Variants in SLC26A5 observed in about 807,000 individuals in gnomAD.
SLC26A5 encodes prestin.
A neutral mutation model predicts 81.0 loss-of-function variants in SLC26A5; 51 were observed. That is an observed-to-expected ratio of 0.63 (90% CI 0.50 to 0.80). The LOEUF is 0.80. Among genes scored for constraint, SLC26A5 ranks in the 30% least tolerant of loss-of-function variants. The pLI is 0.00. For missense variants in SLC26A5, 771 were observed against 905.8 expected, an observed-to-expected ratio of 0.85 and a Z score of 1.91; for synonymous variants, 325 against 332.8, an observed-to-expected ratio of 0.98 and a Z score of 0.25.
Position 103,377,607 on chromosome 7 carries a change from G to C in SLC26A5, c.1978C>G (p.Leu660Val). The C allele has an allele frequency of 6.2e-7, 1 of 1,614,036 alleles. No individual in the cohort carries two copies. The highest frequency in any genetic ancestry group is 8.5e-7 in the Non-Finnish European group (1 of 1,179,954). The change falls in exon 18 of 20, where the codon CTG (leucine) becomes GTG (valine). Residue 660 changes from leucine to valine, a missense_variant. Physicochemically the swap from Leu to Val is conservative, Grantham distance 32 (BLOSUM62 1). Transcript: ENST00000306312. The part of the protein sequence containing the change: ...NFIDSVGVKT[L>V]AGIVKEYGDV... ...TTCAAGAGGATGCTTACCCCTGCCA[G>C]AGTTTTCACTCCAACAGAATCAATA... is the stretch of plus-strand genomic sequence containing the variant.
chr7:103,357,194 C>T (rs968231602), intron 19 of SLC26A5, among the ~76,000 whole-genome samples: 1 of 151,826 alleles, frequency 6.6e-6, no homozygotes, highest in African/African-American at 2.4e-5. Context: ...GGTGTGGTGG[C>T]GGGCGCTTGT....
intron 8 of SLC26A5, 149 bp from the exon 9 acceptor site, chr7:103,398,163 T>C: frequency 1.4e-6 from 1 of 709,744 alleles, no homozygotes; most frequent in South Asian, 1.5e-5. Context: ...GCTTCAACAA[T>C]TCTAACTTCT....
rs533101025 is a variant in SLC26A5, at chr7:103,366,223, A to G, written c.2041+10585T>C. 3.0e-4 allele frequency: 411 copies of G among 1,360,088 alleles called. 2 individuals are homozygous for G. The South Asian group carries it at 4.5e-3, about 15-fold the overall frequency. The allele number at this position is 1,360,088 out of a possible 1,614,324, so 84.3% of individuals were successfully genotyped here. On this transcript the variant is annotated intron_variant, in intron 19 of 19. Coordinates refer to the SLC26A5 transcript ENST00000339444. The stretch of plus-strand genomic sequence containing the variant: ...TCAGTTTCATGAAAGCTGTAAAGTG[A>G]TATGTCGTGATATGTTAATCTTGTA...
intron 19 of SLC26A5, chr7:103,364,337 C>A (rs1362263690): frequency 6.2e-7 from 1 of 1,608,932 alleles, no homozygotes; most frequent in Non-Finnish European, 8.5e-7. Flanking sequence ...GAATATATAG[C>A]CTTGTGAAAG....
chr7:103,433,798 G>T (rs1826256391), intron 2 of SLC26A5, among the ~76,000 whole-genome samples: 1 of 150,814 alleles, frequency 6.6e-6, no homozygotes, highest in South Asian at 2.1e-4. Flanking sequence ...CATCTCCCGG[G>T]TTCATGCCAT....
Position 103,419,542 on chromosome 7 carries a change from AT to A in SLC26A5, c.292+1195del, listed in dbSNP as rs540867051. 4.2e-3 allele frequency among the ~76,000 whole-genome samples: 560 copies of A among 134,348 alleles called. 1 individual carries two copies. The highest frequency in any genetic ancestry group is 0.016 in the Middle Eastern group (4 of 258). The allele number at this position is 134,348 out of a possible 152,430, so 88.1% of individuals were successfully genotyped here. ...TCAAACCTCATTTCCTGGATCCACT[AT>A]TTTTTTTTTTTTCCAATAGAGTCTT... On this transcript the variant is annotated intron_variant, in intron 4 of 19. Transcript: ENST00000306312.
At chr7:103,423,508 G>A (rs555364686) in intron 2 of SLC26A5, among the ~76,000 whole-genome samples, 123 of 152,266 alleles carry the variant, frequency 8.1e-4, no homozygotes, top group Non-Finnish European at 1.1e-3. Context: ...AGAGTATTAC[G>A]AGGTGTGGTC....
intron 14 of SLC26A5, among the ~76,000 whole-genome samples, chr7:103,385,903 G>C (rs1306279933): frequency 1.1e-4 from 16 of 150,372 alleles, no homozygotes; most frequent in Non-Finnish European, 2.2e-4. Flanking sequence ...GGTTTTACCA[G>C]GTTGCCCAAA....
downstream of SLC26A5, among the ~76,000 whole-genome samples, chr7:103,371,346 A>G (rs1821020190): frequency 2.0e-5 from 3 of 148,572 alleles, no homozygotes; most frequent in South Asian, 6.4e-4. Flanking sequence ...TTTTTTTGAG[A>G]CGGAGTCTCG....
In SLC26A5 at chr7:103,374,225, A is replaced by T. The variant is rs192006652; in HGVS notation, c.*174T>A. The T allele has an allele frequency of 7.1e-7, 1 of 1,410,058 alleles. No individual in the cohort carries two copies. Among genetic ancestry groups the T allele is most frequent in the Non-Finnish European group, 9.2e-7 (1 of 1,086,944 alleles). 87.3% of individuals were successfully genotyped at this position (1,410,058 alleles called of 1,614,324 possible). ...AGGCCAATTTATCTTTGAAGTATTC[A>T]ATTAAAAAAACACAAGTACAATACA... On this transcript the variant is annotated 3_prime_UTR_variant, in exon 20 of 20. Transcript: ENST00000306312.
intron 14 of SLC26A5, among the ~76,000 whole-genome samples, chr7:103,385,935 C>T (rs4998618): frequency 0.059 from 8,254 of 138,916 alleles, 779 homozygotes; most frequent in African/African-American, 0.21. Context: ...TTCTTTCTTT[C>T]TTTTTTTTTT....
intron 9 of SLC26A5, among the ~76,000 whole-genome samples, chr7:103,395,107 A>G (rs987377419): frequency 1.3e-5 from 2 of 152,198 alleles, no homozygotes. Context: ...CCTGCCAAAG[A>G]ACCACCCAAC....
chr7:103,412,979 G>A (rs1329082674), intron 5 of SLC26A5, 23 bp downstream of exon 5: 4 of 1,457,090 alleles, frequency 2.7e-6, no homozygotes, highest in Non-Finnish European at 2.9e-6. Context: ...AAAGGTAATA[G>A]AATATCAAAT....
chr7:103,399,267 T>G (rs1823389957), intron 8 of SLC26A5, among the ~76,000 whole-genome samples: 1 of 152,150 alleles, frequency 6.6e-6, no homozygotes, highest in Non-Finnish European at 1.5e-5. Context: ...AAGCTGGTCA[T>G]TTACTTCATA....
intron 1 of SLC26A5, among the ~76,000 whole-genome samples, chr7:103,444,824 C>A (rs1166648095): frequency 6.6e-6 from 1 of 152,160 alleles, no homozygotes; most frequent in African/African-American, 2.4e-5. Flanking sequence ...CTTTCTAATG[C>A]AAATTAGTTT....
At chr7:103,411,655 C>A (rs1365066898) in intron 5 of SLC26A5, 69 bp from the exon 6 acceptor site, 1 of 1,553,618 alleles carries the variant, frequency 6.4e-7, no homozygotes, top group Non-Finnish European at 8.9e-7. Flanking sequence ...TGCCAGTACA[C>A]CAAGAGACAA....
chr7:103,378,375 A>G, intron 17 of SLC26A5, 71 bp downstream of exon 17: 1 of 1,423,854 alleles, frequency 7.0e-7, no homozygotes, highest in Non-Finnish European at 9.9e-7. Flanking sequence ...TTTAAACTTC[A>G]GTCATGAGTA....
At chr7:103,395,664 G>A (rs1314026062) in intron 9 of SLC26A5, among the ~76,000 whole-genome samples, 1 of 150,848 alleles carries the variant, frequency 6.6e-6, no homozygotes, top group Admixed American at 6.6e-5. Context: ...GGGATTACAG[G>A]CACCCGCCAC....
intron 4 of SLC26A5, among the ~76,000 whole-genome samples, chr7:103,413,959 G>C (rs1193797050): frequency 6.6e-6 from 1 of 151,298 alleles, no homozygotes; most frequent in Non-Finnish European, 1.5e-5. Context: ...TCTGTTACAA[G>C]TGATGAACCT....
Sources: allele counts gnomAD v4.1 joint callset (sites outside exome capture counted in the v4.1 genomes callset), GRCh38; gene constraint gnomAD v4.1.1; transcripts MANE v1.5; gene names NCBI Gene and HGNC (gene_info 2026-07-23, HGNC 2026-07-21).